The following ASAP1 variants were observed in gnomAD, a reference collection of about 807,000 sequenced individuals.
The protein encoded by ASAP1 is ArfGAP with SH3 domain, ankyrin repeat and PH domain 1.
A neutral mutation model predicts 145.2 loss-of-function variants in ASAP1; 43 were observed. The observed-to-expected ratio is 0.30, with a 90% confidence interval of 0.23 to 0.38. ASAP1 has a LOEUF of 0.38. ASAP1 is among the 10% of genes least tolerant of loss of function. ASAP1 has a pLI of 1.00. For synonymous variants in ASAP1, 546 were observed against 515.5 expected (o/e 1.06, Z -0.80); for missense variants, 1,018 against 1,355.3 (o/e 0.75, Z 3.91).
At chr8:130,311,136 A>G (rs1482681172) in intron 3 of ASAP1, among the ~76,000 whole-genome samples, 1 of 152,214 alleles carries the variant, frequency 6.6e-6, no homozygotes, top group Non-Finnish European at 1.5e-5. Context: ...TGGAAAATGA[A>G]GCACATTTGC....
chr8:130,223,164 A>G (rs149884409), intron 4 of ASAP1, among the ~76,000 whole-genome samples: 9 of 152,352 alleles, frequency 5.9e-5, no homozygotes, highest in African/African-American at 2.2e-4. Context: ...AATGGGTATA[A>G]TAAGGCCTTG....
At chr8:130,319,285 C>T (rs1006075920) in intron 3 of ASAP1, among the ~76,000 whole-genome samples, 3 of 152,126 alleles carry the variant, frequency 2.0e-5, no homozygotes, top group Admixed American at 2.0e-4. Context: ...TTAAGAGAGC[C>T]ATTTCTGTTC....
chr8:130,356,213 G>A (rs1295337567), intron 3 of ASAP1, among the ~76,000 whole-genome samples: 3 of 152,142 alleles, frequency 2.0e-5, no homozygotes, highest in Non-Finnish European at 2.9e-5. Flanking sequence ...CAGCATCACC[G>A]AATACTTAAT....
At chr8:130,310,477 T>C (rs1478825536) in intron 3 of ASAP1, among the ~76,000 whole-genome samples, 1 of 152,146 alleles carries the variant, frequency 6.6e-6, no homozygotes, top group East Asian at 1.9e-4. Context: ...TGGTGATAGA[T>C]GTGTCATGAA....
At chr8:130,278,254 G>C (rs1365316665) in intron 3 of ASAP1, among the ~76,000 whole-genome samples, 1 of 152,058 alleles carries the variant, frequency 6.6e-6, no homozygotes, top group African/African-American at 2.4e-5. Flanking sequence ...TCAAGGTATT[G>C]AGTCCAGATC....
At position 130,060,747 on chromosome 8, in the gene ASAP1, T is replaced by G. The variant is rs759839755; in HGVS notation, c.3024A>C (p.Ser1008=). The G allele has an allele frequency of 1.2e-6, 2 of 1,614,122 alleles. No homozygotes were observed. The highest frequency in any genetic ancestry group is 4.5e-5 in the East Asian group (2 of 44,884). ...LLAKSQTGDV[S]PKAQQPSEVT... ...CCTCAGAGGGTTGCTGAGCCTTGGG[T>G]GAGACATCTCCAGTCTGGGATTTTG... Residue 1008 remains serine (S), a synonymous_variant, in exon 28 of 30, where the codon TCA becomes TCC. Transcript: ENST00000518721.
At chr8:130,386,691 CG>C (rs1356438339) in intron 2 of ASAP1, 3 of 152,214 alleles carry the variant, frequency 2.0e-5, no homozygotes, top group African/African-American at 7.2e-5. Context: ...GTCTGTGGCT[CG>C]GGAGTCTAAC....
chr8:130,214,463 G>A, intron 5 of ASAP1, 93 bp downstream of exon 5: 6 of 1,285,294 alleles, frequency 4.7e-6, no homozygotes, highest in South Asian at 1.9e-5. Context: ...TAGGACCAAG[G>A]ATTGAGGGGG....
chr8:130,061,348 A>C (rs1485890239), intron 27 of ASAP1, among the ~76,000 whole-genome samples: 2 of 152,232 alleles, frequency 1.3e-5, no homozygotes, highest in African/African-American at 4.8e-5. Flanking sequence ...GATTGCAGAG[A>C]ATCGGAAAGT....
intron 5 of ASAP1, 54 bp downstream of exon 5, chr8:130,214,502 C>A: frequency 1.3e-6 from 2 of 1,493,582 alleles, no homozygotes; most frequent in East Asian, 2.3e-5. Context: ...CTCTATATGA[C>A]GTAATATTTT....
intron 3 of ASAP1, among the ~76,000 whole-genome samples, chr8:130,242,159 T>C (rs564219410): frequency 6.7e-6 from 1 of 149,100 alleles, no homozygotes; most frequent in Admixed American, 6.8e-5. Flanking sequence ...AATGACCAGC[T>C]ATCATTACTC....
At chr8:130,399,973 C>A (rs948025752) in intron 2 of ASAP1, among the ~76,000 whole-genome samples, 1 of 152,118 alleles carries the variant, frequency 6.6e-6, no homozygotes, top group Non-Finnish European at 1.5e-5. Context: ...GCATGTGCCA[C>A]CATGCCCAGC....
chr8:130,256,792 T>G (rs1385832692), intron 3 of ASAP1, among the ~76,000 whole-genome samples: 2 of 142,654 alleles, frequency 1.4e-5, no homozygotes, highest in Admixed American at 7.0e-5. Flanking sequence ...TCCTTATATA[T>G]ATATAAGCTT....
chr8:130,193,645 T>G (rs1164754522), intron 5 of ASAP1, among the ~76,000 whole-genome samples: 3 of 152,214 alleles, frequency 2.0e-5, no homozygotes, highest in African/African-American at 7.2e-5. Flanking sequence ...AAATTACGGT[T>G]TGCATCAATG....
intron 5 of ASAP1, among the ~76,000 whole-genome samples, chr8:130,201,857 C>T (rs574199975): frequency 3.9e-5 from 6 of 152,302 alleles, no homozygotes; most frequent in Admixed American, 1.3e-4. Context: ...ATCACATTTT[C>T]CTTGCTTTCA....
At chr8:130,393,598 A>C (rs946720982) in intron 2 of ASAP1, among the ~76,000 whole-genome samples, 1 of 152,188 alleles carries the variant, frequency 6.6e-6, no homozygotes, top group Non-Finnish European at 1.5e-5. Context: ...TCCACTAAAA[A>C]TACAAAAATT....
At chr8:130,253,778 T>A (rs896832067) in intron 3 of ASAP1, among the ~76,000 whole-genome samples, 27 of 152,304 alleles carry the variant, frequency 1.8e-4, no homozygotes, top group Admixed American at 7.8e-4. Flanking sequence ...GAAGTTAAGA[T>A]TTTACTTTTT....
rs370137967 is a variant in ASAP1, at chr8:130,062,318, TA to T, written c.2702-1250del. On this transcript the variant is annotated intron_variant, in intron 27 of 29. Coordinates refer to ENST00000518721, the MANE Select transcript of ASAP1 (RefSeq NM_018482.4). The stretch of plus-strand genomic sequence containing the variant: ...TTCTTAAAGAAGGAGAAGAAACAGA[TA>T]AACCTCATGTTGTAAATGTCACAGG... Among the ~76,000 whole-genome samples, 350 of 152,320 alleles carry T rather than the reference TA, an allele frequency of 2.3e-3. 2 individuals are homozygous for T. The highest frequency in any genetic ancestry group is 7.9e-3 in the African/African-American group (327 of 41,570).
chr8:130,399,840 G>T (rs1287334616), intron 2 of ASAP1, among the ~76,000 whole-genome samples: 1 of 122,266 alleles, frequency 8.2e-6, no homozygotes, highest in Non-Finnish European at 1.6e-5. Flanking sequence ...TTTTGAGACA[G>T]AGTTTCGCTC....
Sources: gnomAD v4.1 joint callset for allele counts (sites outside exome capture counted in the v4.1 genomes callset) on GRCh38, gnomAD v4.1.1 for gene constraint, MANE v1.5 for transcripts, NCBI Gene and HGNC (gene_info 2026-07-23, HGNC 2026-07-21) for gene names.